Variants in KCNG4 observed in about 807,000 individuals in gnomAD.
KCNG4 encodes potassium voltage-gated channel modifier subfamily G member 4, also known as voltage-gated potassium channel regulatory subunit KCNG4.
In KCNG4, 30 loss-of-function variants were observed where a neutral mutation model predicts 28.2. The observed-to-expected ratio is 1.06, with a 90% confidence interval of 0.80 to 1.44. The LOEUF (loss-of-function observed/expected upper bound fraction) is 1.44, where lower values mean the gene tolerates loss of function less well. Among genes scored for constraint, KCNG4 ranks in the 40% most tolerant of loss-of-function variants. The pLI, the probability that KCNG4 is intolerant of heterozygous loss-of-function variation, is 0.00. For missense variants in KCNG4, 879 were observed against 712.3 expected, an observed-to-expected ratio of 1.23 and a Z score of -2.66; for synonymous variants, 375 against 315.5, an observed-to-expected ratio of 1.19 and a Z score of -2.00.
intron 2 of KCNG4, among the ~76,000 whole-genome samples, chr16:84,229,404 G>A (rs183367859): frequency 1.8e-3 from 280 of 152,362 alleles, no homozygotes; most frequent in African/African-American, 6.5e-3. Flanking sequence ...TCTGTAGAAT[G>A]GGATTGTGGT....
rs1487812144 is a variant in KCNG4, at chr16:84,221,989, CAG to C, written c.*226_*227del. 1.8e-6 allele frequency: 1 copy of C among 568,690 alleles called. No homozygotes were observed. The highest frequency in any genetic ancestry group is 3.3e-5 in the Admixed American group (1 of 30,500). The allele number at this position is 568,690 out of a possible 1,614,324, so 35.2% of individuals were successfully genotyped here. ...AGATTGGACATGCTCAGTAGATGGG[CAG>C]AGAGAGGAAAAGGCAAGCAGGCTGG... On this transcript the variant is annotated 3_prime_UTR_variant, in exon 3 of 3. Transcript: ENST00000308251.
intron 1 of KCNG4, among the ~76,000 whole-genome samples, chr16:84,238,145 TA>T (rs1314962098): frequency 6.6e-6 from 1 of 152,178 alleles, no homozygotes; most frequent in Non-Finnish European, 1.5e-5. Flanking sequence ...ATAATACTTC[TA>T]GATGCTTCTG....
chr16:84,237,070 C>G lies in KCNG4; in HGVS notation c.416G>C (p.Cys139Ser). 6.2e-7 allele frequency: 1 copy of G among 1,614,066 alleles called. No individual in the cohort carries two copies. The highest frequency in any genetic ancestry group is 8.5e-7 in the Non-Finnish European group (1 of 1,180,008). Residue 139 changes from cysteine (C) to serine (S), a missense_variant, in exon 2 of 3, where the codon TGC (cysteine) becomes TCC (serine). Physicochemically the swap from Cys to Ser is moderately radical, Grantham distance 112. Coordinates refer to ENST00000308251, the MANE Select transcript of KCNG4 (RefSeq NM_172347.3). ...AGKLVLLQEMCALSFQEELAY... is the reference protein window; with the variant it reads ...AGKLVLLQEMSALSFQEELAY... Reference sequence around the variant, plus strand: ...CAGCTCCTCCTGGAAGGACAGCGCGCACATCTCCTGCAGAAGCACCAGCTT... The same window carrying G: ...CAGCTCCTCCTGGAAGGACAGCGCGGACATCTCCTGCAGAAGCACCAGCTT...
chr16:84,230,593 C>G (rs1487938793), intron 2 of KCNG4, among the ~76,000 whole-genome samples: 3 of 152,034 alleles, frequency 2.0e-5, no homozygotes, highest in East Asian at 1.9e-4. Context: ...ACAAAGAAAA[C>G]TCTCTCTGTG....
rs551431782 is a variant in KCNG4, at chr16:84,233,074, T to G, written c.756+3656A>C. On this transcript the variant is annotated intron_variant, in intron 2 of 2. Coordinates refer to ENST00000308251, the MANE Select transcript of KCNG4 (RefSeq NM_172347.3). ...TTCCTGTTAACTACTACTGAATGAATGAATGAATGAATGAATGATGATCAG... is the reference window on the plus strand; with the variant it reads ...TTCCTGTTAACTACTACTGAATGAAGGAATGAATGAATGAATGATGATCAG... 5.3e-5 allele frequency among the ~76,000 whole-genome samples: 8 copies of G among 152,064 alleles called. No homozygotes were observed. In the South Asian group the frequency reaches 1.5e-3, roughly 28 times the overall value.
At chr16:84,229,174 C>G (rs564741892) in intron 2 of KCNG4, among the ~76,000 whole-genome samples, 211 of 152,142 alleles carry the variant, frequency 1.4e-3, no homozygotes, top group African/African-American at 4.8e-3. Flanking sequence ...GTGGTGCACA[C>G]CTGTAATCCG....
chr16:84,237,465 G>A lies in KCNG4; in HGVS notation c.21C>T (p.Asp7=), dbSNP rs770214632. 12 of 1,499,232 alleles carry A rather than the reference G, an allele frequency of 8.0e-6. No homozygotes were observed. The highest frequency in any genetic ancestry group is 2.8e-5 in the South Asian group (2 of 70,550). The allele number at this position is 1,499,232 out of a possible 1,614,324, so 92.9% of individuals were successfully genotyped here. The change falls in exon 2 of 3, where the codon GAC becomes GAT. Residue 7 remains aspartate (D), a synonymous_variant. Coordinates refer to ENST00000308251, the MANE Select transcript of KCNG4 (RefSeq NM_172347.3). MPMPSR[D]GGLHPRHHHY... Reference sequence around the variant, plus strand: ...GGTGGTGTCTGGGATGCAGGCCCCCGTCTCTGGAAGGCATGGGCATTGCTG... The same window carrying A: ...GGTGGTGTCTGGGATGCAGGCCCCCATCTCTGGAAGGCATGGGCATTGCTG...
At chr16:84,233,260 G>C (rs1050776336) in intron 2 of KCNG4, among the ~76,000 whole-genome samples, 1 of 152,220 alleles carries the variant, frequency 6.6e-6, no homozygotes, top group Non-Finnish European at 1.5e-5. Flanking sequence ...CACTGGGTTA[G>C]TCATGGGTGA....
At position 84,236,953 on chromosome 16, in the gene KCNG4, A is replaced by G; in HGVS notation, c.533T>C (p.Leu178Pro). The G allele has an allele frequency of 6.2e-7, 1 of 1,613,550 alleles. No homozygotes were observed. Among genetic ancestry groups the G allele is most frequent in the Non-Finnish European group, 8.5e-7 (1 of 1,179,930 alleles). Residue 178 changes from leucine to proline, a missense_variant, in exon 2 of 3, where the codon CTG becomes CCG. Leu to Pro is a moderately conservative substitution (Grantham distance 98). Coordinates refer to ENST00000308251, the MANE Select transcript of KCNG4 (RefSeq NM_172347.3). ...KLEELEELAK[L>P]HREDVLRQQR... ...CTGCCTCAGTACGTCCTCCCTGTGCAGCTTGGCCAGCTCCTCCAGCTCCTC... is the reference window on the plus strand; with the variant it reads ...CTGCCTCAGTACGTCCTCCCTGTGCGGCTTGGCCAGCTCCTCCAGCTCCTC...
At chr16:84,232,896 C>CA (rs60683135) in intron 2 of KCNG4, among the ~76,000 whole-genome samples, 33,239 of 107,622 alleles carry the variant, frequency 0.31, 5,307 homozygotes, top group East Asian at 0.5. Flanking sequence ...GAAACCCTAT[C>CA]AAAAAAAAAA....
intron 2 of KCNG4, among the ~76,000 whole-genome samples, chr16:84,231,027 A>G (rs1347148740): frequency 6.6e-6 from 1 of 152,204 alleles, no homozygotes; most frequent in Non-Finnish European, 1.5e-5. Context: ...TGACTTGGCC[A>G]TTGCTATTAG....
rs374330675 is a variant in KCNG4, at chr16:84,237,387, C to T, written c.99G>A (p.Thr33=). 14 of 1,535,518 alleles carry T rather than the reference C, an allele frequency of 9.1e-6. No homozygotes were observed. The highest frequency in any genetic ancestry group is 2.8e-5 in the African/African-American group (2 of 72,346). ...WSQLLSSPME[T]PSIKGLYYRR... is the part of the protein sequence containing the mutation. ...GGTAGTAAAGGCCCTTGATGGACGG[C>T]GTCTCCATGGGGCTGGACAGGAGCT... is the stretch of plus-strand genomic sequence containing the variant. Residue 33 remains threonine (T), a synonymous_variant, in exon 2 of 3, where the codon ACG becomes ACA. Coordinates refer to ENST00000308251, the MANE Select transcript of KCNG4 (RefSeq NM_172347.3).
intron 2 of KCNG4, among the ~76,000 whole-genome samples, chr16:84,224,527 CT>C (rs1904654747): frequency 6.6e-6 from 1 of 152,144 alleles, no homozygotes; most frequent in Non-Finnish European, 1.5e-5. Context: ...ACAGTTTTCT[CT>C]GGATTAAAAT....
rs1904998020 is a variant in KCNG4 at position 84,237,366 on chromosome 16, G to T, written c.120C>A (p.Tyr40Ter). The T allele has an allele frequency of 6.5e-7, 1 of 1,550,262 alleles. No homozygotes were observed. The highest frequency in any genetic ancestry group is 1.3e-5 in the South Asian group (1 of 79,534). The change falls in exon 2 of 3, where the codon TAC becomes TAA. Residue 40 changes from tyrosine to a stop codon, truncating the protein, a stop_gained. Transcript: ENST00000308251. LOFTEE classifies it high-confidence loss of function. ...CACCCACCTTCCGCACCCTCCGGTAGTAAAGGCCCTTGATGGACGGCGTCT... is the reference window on the plus strand; with the variant it reads ...CACCCACCTTCCGCACCCTCCGGTATTAAAGGCCCTTGATGGACGGCGTCT... ...PMETPSIKGLYYRRVRKVGAL... is the reference protein window; with the variant it reads ...PMETPSIKGL
intron 2 of KCNG4, among the ~76,000 whole-genome samples, chr16:84,234,044 A>G (rs1410183720): frequency 6.6e-6 from 1 of 152,196 alleles, no homozygotes; most frequent in African/African-American, 2.4e-5. Flanking sequence ...GGCACTTAGG[A>G]GGCATCGGTT....
intron 1 of KCNG4, among the ~76,000 whole-genome samples, chr16:84,237,794 G>A (rs905073062): frequency 4.6e-5 from 7 of 152,188 alleles, no homozygotes; most frequent in Admixed American, 3.3e-4. Flanking sequence ...ACGGATGGGG[G>A]CTTGAGTAAT....
intron 1 of KCNG4, among the ~76,000 whole-genome samples, chr16:84,239,374 G>A (rs890453048): frequency 6.6e-6 from 1 of 152,304 alleles, no homozygotes; most frequent in African/African-American, 2.4e-5. Flanking sequence ...AAGACCCAGC[G>A]AGCGGAAGTA....
At chr16:84,230,470 G>T (rs1371683636) in intron 2 of KCNG4, among the ~76,000 whole-genome samples, 1 of 150,432 alleles carries the variant, frequency 6.6e-6, no homozygotes, top group Non-Finnish European at 1.5e-5. Context: ...TACTCAGGAG[G>T]CTGAGGCAGG....
At chr16:84,227,298 C>T (rs898125323) in intron 2 of KCNG4, among the ~76,000 whole-genome samples, 2 of 152,112 alleles carry the variant, frequency 1.3e-5, no homozygotes, top group African/African-American at 2.4e-5. Flanking sequence ...GTACACAGGC[C>T]GGGTGTGGTG....
Sources: gnomAD v4.1 joint callset for allele counts (sites outside exome capture counted in the v4.1 genomes callset) on GRCh38, gnomAD v4.1.1 for gene constraint, MANE v1.5 for transcripts, NCBI Gene and HGNC (gene_info 2026-07-23, HGNC 2026-07-21) for gene names.